Variants in GUCY1A1 observed in about 807,000 individuals in gnomAD.
GUCY1A1 encodes the protein guanylate cyclase 1 soluble subunit alpha 1, also known as guanylate cyclase soluble subunit alpha-1.
Under a neutral mutation model 64.5 loss-of-function variants are expected in GUCY1A1, and 48 were observed. That is an observed-to-expected ratio of 0.74 (90% CI 0.59 to 0.95). The LOEUF is 0.95. Among genes scored for constraint, GUCY1A1 ranks in the 40% least tolerant of loss-of-function variants. The probability of loss-of-function intolerance (pLI) is 0.00; values close to 1 mark genes in which losing one functional copy is unlikely to be tolerated. For synonymous variants in GUCY1A1, 308 were observed against 303.4 expected (o/e 1.02, Z -0.16); for missense variants, 804 against 825.3 (o/e 0.97, Z 0.32).
chr4:155,700,542 T>C (rs964621317), intron 3 of GUCY1A1, among the ~76,000 whole-genome samples: 1 of 152,222 alleles, frequency 6.6e-6, no homozygotes, highest in Non-Finnish European at 1.5e-5. Flanking sequence ...GAAGTATTCA[T>C]ATATGGTATA....
intron 8 of GUCY1A1, among the ~76,000 whole-genome samples, chr4:155,721,743 G>T (rs1019766012): frequency 2.0e-5 from 3 of 152,086 alleles, no homozygotes; most frequent in South Asian, 2.1e-4. Flanking sequence ...TGTTGCTGTG[G>T]TTACTATGAT....
chr4:155,683,429 G>T (rs986803643), intron 2 of GUCY1A1, among the ~76,000 whole-genome samples: 1 of 152,190 alleles, frequency 6.6e-6, no homozygotes, highest in African/African-American at 2.4e-5. Flanking sequence ...TATACCAGAT[G>T]ACTCAGAGCC....
In GUCY1A1 at chr4:155,696,894, C is replaced by A; in HGVS notation, c.27C>A (p.Leu9=). MFCTKLKD[L]KITGECPFSL... ...TGTTCTGCACGAAGCTCAAGGATCT[C>A]AAGATCACAGGAGAGTGTCCTTTCT... Residue 9 remains leucine (L), a synonymous_variant, in exon 3 of 10, where the codon CTC becomes CTA. Transcript: ENST00000506455. 1 of 1,613,594 alleles carries A rather than the reference C, an allele frequency of 6.2e-7. No homozygotes were observed. The highest frequency in any genetic ancestry group is 8.5e-7 in the Non-Finnish European group (1 of 1,179,594).
chr4:155,728,447 G>C (rs1735047525), intron 9 of GUCY1A1, among the ~76,000 whole-genome samples: 1 of 151,870 alleles, frequency 6.6e-6, no homozygotes, highest in Admixed American at 6.6e-5. Flanking sequence ...GAATGAGCCA[G>C]ACTCTATCTT....
intron 2 of GUCY1A1, among the ~76,000 whole-genome samples, chr4:155,692,085 G>A (rs1406115444): frequency 6.6e-6 from 1 of 152,132 alleles, no homozygotes; most frequent in Non-Finnish European, 1.5e-5. Context: ...CCAGGATAAT[G>A]GCCTCCAGCT....
intron 2 of GUCY1A1, among the ~76,000 whole-genome samples, chr4:155,694,076 A>T (rs1560930574): frequency 6.6e-6 from 1 of 151,990 alleles, no homozygotes; most frequent in Non-Finnish European, 1.5e-5. Context: ...GTTTTTATGT[A>T]CCCTTTTTTG....
In GUCY1A1 at chr4:155,708,233, C is replaced by A; in HGVS notation, c.318-3C>A. The A allele has an allele frequency of 1.4e-6, 2 of 1,394,434 alleles. No individual in the cohort carries two copies. Among genetic ancestry groups the A allele is most frequent in the Non-Finnish European group, 2.0e-6 (2 of 982,998 alleles). 86.4% of individuals were successfully genotyped at this position (1,394,434 alleles called of 1,614,324 possible). A position where few individuals can be genotyped will look rare whatever the true frequency, so the allele number is the denominator to read the frequency against. ...ATAACTTAAAATATTGAAATATTTCCAGGAAATCTTTGGAAAGAGAAGACT... is the reference window on the plus strand; with the variant it reads ...ATAACTTAAAATATTGAAATATTTCAAGGAAATCTTTGGAAAGAGAAGACT... On this transcript the variant is annotated splice_region_variant and splice_polypyrimidine_tract_variant and intron_variant, in intron 4 of 9. Coordinates refer to ENST00000506455, the MANE Select transcript of GUCY1A1 (RefSeq NM_001130682.3).
intron 2 of GUCY1A1, among the ~76,000 whole-genome samples, chr4:155,668,906 G>A (rs1733745207): frequency 6.6e-6 from 1 of 152,148 alleles, no homozygotes; most frequent in African/African-American, 2.4e-5. Context: ...GGGCCGTGAA[G>A]TCCCTAAAAT....
In GUCY1A1 at chr4:155,730,998, C is replaced by T. The variant is rs1735480162; in HGVS notation, c.*767C>T. Reference sequence around the variant, plus strand: ...ATTTAATTCCTATTAATTCATTTTACTATCATAATAGCAAAGTATTCAGAA... The same window carrying T: ...ATTTAATTCCTATTAATTCATTTTATTATCATAATAGCAAAGTATTCAGAA... On this transcript the variant is annotated 3_prime_UTR_variant, in exon 10 of 10. Transcript: ENST00000506455. 1 of 153,276 alleles carries T rather than the reference C, an allele frequency of 6.5e-6. No homozygotes were observed. Among genetic ancestry groups the T allele is most frequent in the Admixed American group, 6.6e-5 (1 of 15,174 alleles). The allele number at this position is 153,276 out of a possible 1,614,324, so 9.5% of individuals were successfully genotyped here.
At chr4:155,702,913 AT>A (rs2126789306) in intron 3 of GUCY1A1, among the ~76,000 whole-genome samples, 1 of 151,576 alleles carries the variant, frequency 6.6e-6, no homozygotes, top group African/African-American at 2.4e-5. Flanking sequence ...ACAGCAAAAA[AT>A]TTTTCACTTT....
chr4:155,730,202 T>G lies in GUCY1A1; in HGVS notation c.2044T>G (p.Phe682Val). 1.2e-6 allele frequency: 2 copies of G among 1,610,378 alleles called. No individual in the cohort carries two copies. Among genetic ancestry groups the G allele is most frequent in the East Asian group, 4.5e-5 (2 of 44,792 alleles). ...AGATGTGGAAGATGGCAATGCCAAT[T>G]TTTTAGGCAAAGCATCAGGAATAGA... ...KKDVEDGNAN[F>V]LGKASGID Residue 682 changes from phenylalanine (F) to valine (V), a missense_variant, in exon 10 of 10, where the codon TTT becomes GTT. Phe to Val is a conservative substitution (Grantham distance 50). Transcript: ENST00000506455.
chr4:155,669,935 T>C (rs1326411375), intron 2 of GUCY1A1, among the ~76,000 whole-genome samples: 3 of 152,148 alleles, frequency 2.0e-5, no homozygotes, highest in Non-Finnish European at 4.4e-5. Flanking sequence ...TAATTTCTAA[T>C]TAACCTTTTT....
intron 5 of GUCY1A1, among the ~76,000 whole-genome samples, chr4:155,708,885 A>AT: frequency 6.6e-6 from 1 of 151,916 alleles, no homozygotes; most frequent in East Asian, 1.9e-4. Context: ...AGAGGGCACT[A>AT]TTCTTTTTCC....
chr4:155,717,715 A>G (rs6827908), intron 8 of GUCY1A1, among the ~76,000 whole-genome samples: 60,051 of 151,904 alleles, frequency 0.4, 12,075 homozygotes, highest in African/African-American at 0.47. Context: ...TCAAAACCAC[A>G]TCTACTATAA....
chr4:155,700,472 A>T (rs1188969948), intron 3 of GUCY1A1, among the ~76,000 whole-genome samples: 1 of 152,200 alleles, frequency 6.6e-6, no homozygotes, highest in Non-Finnish European at 1.5e-5. Flanking sequence ...CACACCAATG[A>T]TATTTTTATT....
rs551822650 is a variant in GUCY1A1 at position 155,724,008 on chromosome 4, T to G, written c.1871+1816T>G. Among the ~76,000 whole-genome samples, 7 of 152,150 alleles carry G rather than the reference T, an allele frequency of 4.6e-5. 1 individual carries two copies. Among genetic ancestry groups the G allele is most frequent in the African/African-American group, 1.7e-4 (7 of 41,538 alleles). On this transcript the variant is annotated intron_variant, in intron 9 of 9. Coordinates refer to ENST00000506455, the MANE Select transcript of GUCY1A1 (RefSeq NM_001130682.3). ...GCATCCTTTCCTTTCCAGCCCAGAC[T>G]CTCAGTTGATAATCTTGCCTCATAT...
intron 9 of GUCY1A1, among the ~76,000 whole-genome samples, chr4:155,727,433 C>T (rs77040822): frequency 0.036 from 5,444 of 151,888 alleles, 308 homozygotes; most frequent in African/African-American, 0.12. Flanking sequence ...CAATCTAGAG[C>T]AATGCCCTTA....
chr4:155,727,132 G>A (rs147051277), intron 9 of GUCY1A1, among the ~76,000 whole-genome samples: 157 of 152,048 alleles, frequency 1.0e-3, no homozygotes, highest in African/African-American at 2.6e-3. Context: ...AGTAATTTGC[G>A]GAAAAATGGT....
chr4:155,711,974 CTAAT>C (rs1732630842), intron 6 of GUCY1A1, among the ~76,000 whole-genome samples: 1 of 151,954 alleles, frequency 6.6e-6, no homozygotes, highest in South Asian at 2.1e-4. Flanking sequence ...AAATGAAAAA[CTAAT>C]TATATACATT....
Sources: gnomAD v4.1 joint callset for allele counts (sites outside exome capture counted in the v4.1 genomes callset) on GRCh38, gnomAD v4.1.1 for gene constraint, MANE v1.5 for transcripts, NCBI Gene and HGNC (gene_info 2026-07-23, HGNC 2026-07-21) for gene names.